The following BHMT variants were observed in gnomAD, a reference collection of about 807,000 sequenced individuals.
BHMT encodes the protein betaine--homocysteine S-methyltransferase.
Under a neutral mutation model 49.5 loss-of-function variants are expected in BHMT, and 38 were observed. The ratio of observed to expected loss-of-function variants is 0.77; its 90% CI spans 0.59 to 1.01. The LOEUF (loss-of-function observed/expected upper bound fraction) is 1.01, where lower values mean the gene tolerates loss of function less well. BHMT is among the 50% of genes least tolerant of loss of function. The probability of loss-of-function intolerance (pLI) is 0.00; values close to 1 mark genes in which losing one functional copy is unlikely to be tolerated. For missense variants in BHMT, 426 were observed against 495.7 expected, an observed-to-expected ratio of 0.86 and a Z score of 1.34; for synonymous variants, 166 against 176.3, an observed-to-expected ratio of 0.94 and a Z score of 0.46.
At position 79,131,233 on chromosome 5, in the gene BHMT, G is replaced by A. The variant is rs1427247615; in HGVS notation, c.*117G>A. ...TGAATGCCATCCTACACATATTATT[G>A]CTATTACCTGAACAAAATAGAATTA... On this transcript the variant is annotated 3_prime_UTR_variant, in exon 8 of 8. Transcript: ENST00000274353. 4 of 953,988 alleles carry A rather than the reference G, an allele frequency of 4.2e-6. No homozygotes were observed. Among genetic ancestry groups the A allele is most frequent in the East Asian group, 5.5e-5 (2 of 36,616 alleles). The allele number at this position is 953,988 out of a possible 1,614,324, so 59.1% of individuals were successfully genotyped here. A position where few individuals can be genotyped will look rare whatever the true frequency, so the allele number is the denominator to read the frequency against.
Position 79,121,230 on chromosome 5 carries a change from G to A in BHMT, c.490G>A (p.Val164Ile), listed in dbSNP as rs1045603041. The A allele has an allele frequency of 1.9e-6, 3 of 1,613,868 alleles. No homozygotes were observed. Among genetic ancestry groups the A allele is most frequent in the Admixed American group, 3.3e-5 (2 of 59,982 alleles). Residue 164 changes from valine to isoleucine, a missense_variant, in exon 5 of 8, where the codon GTT becomes ATT. Coordinates refer to ENST00000274353, the MANE Select transcript of BHMT (RefSeq NM_001713.3). ...DFLIAEYFEH[V>I]EEAVWAVETL... ...TAACTGATTCCAGTATTTTGAACACGTTGAAGAAGCTGTGTGGGCAGTTGA... is the reference window on the plus strand; with the variant it reads ...TAACTGATTCCAGTATTTTGAACACATTGAAGAAGCTGTGTGGGCAGTTGA...
chr5:79,128,074 A>G, intron 7 of BHMT, 91 bp downstream of exon 7: 1 of 1,434,584 alleles, frequency 7.0e-7, no homozygotes, highest in Non-Finnish European at 9.5e-7. Flanking sequence ...TTGTTGTGTG[A>G]TGATGAAGAA....
At chr5:79,116,684 C>A (rs1756389564) in intron 2 of BHMT, among the ~76,000 whole-genome samples, 1 of 152,114 alleles carries the variant, frequency 6.6e-6, no homozygotes, top group Non-Finnish European at 1.5e-5. Flanking sequence ...CAAGCTAAAT[C>A]TATAAGGCTA....
rs1293850235 is a variant in BHMT, at chr5:79,131,792, A to G, written c.*676A>G. On this transcript the variant is annotated 3_prime_UTR_variant, in exon 8 of 8. Transcript: ENST00000274353. ...CCTGTTTAAGTTTATTCTTATAAGT[A>G]GGTCAGTCATATGAGACCTGATCAA... The G allele has an allele frequency of 6.6e-6, 1 of 152,252 alleles. No homozygotes were observed. Among genetic ancestry groups the G allele is most frequent in the African/African-American group, 2.4e-5 (1 of 41,458 alleles). 9.4% of individuals were successfully genotyped at this position (152,252 alleles called of 1,614,324 possible).
intron 6 of BHMT, 117 bp downstream of exon 6, chr5:79,126,345 C>A: frequency 8.3e-7 from 1 of 1,206,860 alleles, no homozygotes. Flanking sequence ...GGTGTCTCCT[C>A]ATGTCTTGTC....
chr5:79,126,014 C>A (rs1237455476), intron 5 of BHMT, 32 bp from the exon 6 acceptor site: 2 of 1,578,792 alleles, frequency 1.3e-6, no homozygotes, highest in South Asian at 2.3e-5. Context: ...TCTGGTGCAT[C>A]CCTAAGTCTA....
In BHMT at chr5:79,120,464, G is replaced by T. The variant is rs539654201; in HGVS notation, c.400G>T (p.Glu134Ter). The T allele has an allele frequency of 5.6e-6, 9 of 1,614,136 alleles. No homozygotes were observed. The East Asian group carries it at 2.0e-4, about 36-fold the overall frequency. Reference protein sequence around the residue: ...QTPSYLSCKSETEVKKVFLQQ... With the variant: ...QTPSYLSCKS Reference sequence around the variant, plus strand: ...ACCTTCATACCTTAGCTGCAAGAGTGAAACTGAAGTCAAAAAAGTATTTCT... The same window carrying T: ...ACCTTCATACCTTAGCTGCAAGAGTTAAACTGAAGTCAAAAAAGTATTTCT... Residue 134 changes from glutamate (E) to a stop codon, truncating the protein, a stop_gained, in exon 4 of 8, where the codon GAA (glutamate) becomes TAA (stop). Transcript: ENST00000274353. LOFTEE classifies it high-confidence loss of function.
At chr5:79,128,353 T>A (rs1756585083) in intron 7 of BHMT, among the ~76,000 whole-genome samples, 1 of 137,224 alleles carries the variant, frequency 7.3e-6, no homozygotes. Flanking sequence ...AAACTCCATC[T>A]CTACTAAAAA....
In BHMT at chr5:79,115,340, C is replaced by T. The variant is rs982091002; in HGVS notation, c.34-427C>T. ...AAAATAGCATTCTATGCCATTTCAACTTCTTTAACAATTTTTTAACCCTCT... is the reference window on the plus strand; with the variant it reads ...AAAATAGCATTCTATGCCATTTCAATTTCTTTAACAATTTTTTAACCCTCT... On this transcript the variant is annotated intron_variant, in intron 1 of 7. Coordinates refer to ENST00000274353, the MANE Select transcript of BHMT (RefSeq NM_001713.3). Among the ~76,000 whole-genome samples, 51 of 150,918 alleles carry T rather than the reference C, an allele frequency of 3.4e-4. 1 individual carries two copies. The highest frequency in any genetic ancestry group is 3.1e-3 in the Admixed American group (47 of 15,076).
intron 7 of BHMT, among the ~76,000 whole-genome samples, chr5:79,129,894 C>G (rs1315660335): frequency 6.6e-6 from 1 of 152,162 alleles, no homozygotes; most frequent in Admixed American, 6.5e-5. Flanking sequence ...CATAGTGACT[C>G]ACACCTGTAA....
intron 5 of BHMT, among the ~76,000 whole-genome samples, chr5:79,123,365 T>G (rs1320243350): frequency 2.0e-5 from 3 of 152,214 alleles, no homozygotes; most frequent in Non-Finnish European, 4.4e-5. Context: ...CCATGGGTTG[T>G]GGCACCAGCT....
At chr5:79,123,376 C>G (rs904859123) in intron 5 of BHMT, among the ~76,000 whole-genome samples, 1 of 152,214 alleles carries the variant, frequency 6.6e-6, no homozygotes, top group Non-Finnish European at 1.5e-5. Flanking sequence ...GGCACCAGCT[C>G]TGCTGCTCCT....
chr5:79,128,722 G>A (rs554200014), intron 7 of BHMT, among the ~76,000 whole-genome samples: 22 of 152,178 alleles, frequency 1.4e-4, no homozygotes, highest in African/African-American at 4.8e-4. Flanking sequence ...TCAGAGCTGG[G>A]AATACGGTGG....
At chr5:79,115,996 C>T in intron 2 of BHMT, 97 bp downstream of exon 2, 1 of 1,392,890 alleles carries the variant, frequency 7.2e-7, no homozygotes, top group South Asian at 1.8e-5. Context: ...GGTGGGAAGA[C>T]CACTTGAGCC....
rs752979930 is a variant in BHMT at position 79,120,513 on chromosome 5, A to G, written c.449A>G (p.Lys150Arg). ...VFLQQLEVFM[K>R]KNVDFLIAEY... ...CTGCAACAGTTAGAGGTCTTTATGAAGAAGAACGTGGACTTCTTGATTGCA... is the reference window on the plus strand; with the variant it reads ...CTGCAACAGTTAGAGGTCTTTATGAGGAAGAACGTGGACTTCTTGATTGCA... Residue 150 changes from lysine (K) to arginine (R), a missense_variant, in exon 4 of 8, where the codon AAG becomes AGG. Physicochemically the swap from Lys to Arg is conservative, Grantham distance 26 (BLOSUM62 2). Transcript: ENST00000274353. 2 of 1,613,016 alleles carry G rather than the reference A, an allele frequency of 1.2e-6. No individual in the cohort carries two copies.
intron 2 of BHMT, among the ~76,000 whole-genome samples, chr5:79,118,567 T>C (rs1001077325): frequency 2.0e-5 from 3 of 152,232 alleles, no homozygotes; most frequent in African/African-American, 7.2e-5. Context: ...TATTTCACCA[T>C]GCTACCAGAA....
At chr5:79,128,891 A>G (rs1756595073) in intron 7 of BHMT, among the ~76,000 whole-genome samples, 1 of 152,244 alleles carries the variant, frequency 6.6e-6, no homozygotes, top group African/African-American at 2.4e-5. Context: ...CTACTGGGTA[A>G]AAGAATACGA....
Position 79,127,979 on chromosome 5 carries a change from G to T in BHMT, c.1033G>T (p.Ala345Ser). The T allele has an allele frequency of 6.2e-7, 1 of 1,610,754 alleles. No individual in the cohort carries two copies. The highest frequency in any genetic ancestry group is 8.5e-7 in the Non-Finnish European group (1 of 1,178,316). The change falls in exon 7 of 8, where the codon GCA (alanine) becomes TCA (serine). Residue 345 changes from alanine to serine, a missense_variant. This residue lies in a region of BHMT where 32 missense variants were observed against 71.6 expected (regional missense o/e 0.45). Coordinates refer to ENST00000274353, the MANE Select transcript of BHMT (RefSeq NM_001713.3). ...CATGCACACCAAACCCTGGGTTAGAGCAAGGTAAGCATCTTTTTACTAACC... is the reference window on the plus strand; with the variant it reads ...CATGCACACCAAACCCTGGGTTAGATCAAGGTAAGCATCTTTTTACTAACC... ...LDMHTKPWVRARARKEYWENL... is the reference protein window; with the variant it reads ...LDMHTKPWVRSRARKEYWENL...
chr5:79,118,790 G>A (rs781633438), intron 2 of BHMT, among the ~76,000 whole-genome samples: 4 of 152,140 alleles, frequency 2.6e-5, no homozygotes, highest in Non-Finnish European at 5.9e-5. Context: ...ATTCTTCCAA[G>A]TGCAGCTCAA....
Sources: gnomAD v4.1 joint callset for allele counts (sites outside exome capture counted in the v4.1 genomes callset) on GRCh38, gnomAD v4.1.1 for gene constraint, gnomAD v4.1.1 regional missense constraint, MANE v1.5 for transcripts, NCBI Gene and HGNC (gene_info 2026-07-23, HGNC 2026-07-21) for gene names.